The following PDZRN4 variants were observed in gnomAD, a reference collection of about 807,000 sequenced individuals.
PDZRN4 encodes the protein PDZ domain-containing RING finger protein 4.
A neutral mutation model predicts 99.0 loss-of-function variants in PDZRN4; 70 were observed. That is an observed-to-expected ratio of 0.71 (90% confidence interval 0.58 to 0.86). The LOEUF is 0.86. Ranked by LOEUF, PDZRN4 falls within the 40% of genes least tolerant of loss-of-function variation. PDZRN4 has a pLI of 0.00. For synonymous variants in PDZRN4, 551 were observed against 501.6 expected (o/e 1.10, Z -1.32); for missense variants, 1,474 against 1,331.2 (o/e 1.11, Z -1.67).
intron 7 of PDZRN4, among the ~76,000 whole-genome samples, chr12:41,557,145 T>A (rs1939181755): frequency 1.1e-5 from 1 of 88,292 alleles, no homozygotes. Context: ...AGTGAGACAC[T>A]CTCAAAAAAA....
intron 3 of PDZRN4, among the ~76,000 whole-genome samples, chr12:41,468,125 T>C (rs1437862320): frequency 6.6e-6 from 1 of 152,166 alleles, no homozygotes; most frequent in East Asian, 1.9e-4. Flanking sequence ...GTGAGGGATG[T>C]TGTAATAGGA....
At chr12:41,528,481 T>A (rs1938608178) in intron 5 of PDZRN4, among the ~76,000 whole-genome samples, 1 of 152,202 alleles carries the variant, frequency 6.6e-6, no homozygotes, top group Non-Finnish European at 1.5e-5. Context: ...GCCAAATTCT[T>A]AATAGAGCAA....
At position 41,453,000 on chromosome 12, in the gene PDZRN4, G is replaced by A. The variant is rs1266248879; in HGVS notation, c.844-53456G>A. On this transcript the variant is annotated intron_variant, in intron 3 of 9. Transcript: ENST00000402685. ...GCAGAGGAAAATGTAGAACTATGAT[G>A]CAATCTTAACAGAGACCCCTGCTGA... 2.6e-5 allele frequency among the ~76,000 whole-genome samples: 4 copies of A among 152,116 alleles called. No homozygotes were observed. The East Asian group carries it at 7.7e-4, about 29-fold the overall frequency.
intron 3 of PDZRN4, among the ~76,000 whole-genome samples, chr12:41,423,262 A>G (rs746313357): frequency 6.6e-6 from 1 of 152,048 alleles, no homozygotes. Context: ...TGTCATCTAC[A>G]TTAGGTATTT....
intron 3 of PDZRN4, among the ~76,000 whole-genome samples, chr12:41,466,137 G>C (rs1281694363): frequency 6.6e-6 from 1 of 152,138 alleles, no homozygotes; most frequent in Non-Finnish European, 1.5e-5. Context: ...AACTCATGAG[G>C]CTGCCTTGAT....
chr12:41,502,451 A>T (rs375648236), intron 3 of PDZRN4, among the ~76,000 whole-genome samples: 2 of 152,142 alleles, frequency 1.3e-5, no homozygotes. Flanking sequence ...ATCCTTCTGC[A>T]TGCAAACTCA....
chr12:41,261,771 G>A (rs1362347451), intron 3 of PDZRN4, among the ~76,000 whole-genome samples: 2 of 152,196 alleles, frequency 1.3e-5, no homozygotes, highest in Non-Finnish European at 2.9e-5. Context: ...TTACAGGCGT[G>A]AGCCACCGTG....
At chr12:41,471,655 T>C (rs1952991663) in intron 3 of PDZRN4, among the ~76,000 whole-genome samples, 1 of 151,002 alleles carries the variant, frequency 6.6e-6, no homozygotes, top group South Asian at 2.1e-4. Context: ...GAGATAGTTG[T>C]ATGAATAAAT....
rs552075763 is a variant in PDZRN4 at position 41,221,970 on chromosome 12, G to A, written c.843+27782G>A. On this transcript the variant is annotated intron_variant, in intron 3 of 9. Coordinates refer to ENST00000402685, the MANE Select transcript of PDZRN4 (RefSeq NM_001164595.2). ...TTTAGGGTTTGGAGCCAAGGCCATG[G>A]ACAACAAAGAACAAAGTTTGTCTTC... Among the ~76,000 whole-genome samples the A allele has an allele frequency of 9.2e-5, 14 of 152,290 alleles. No homozygotes were observed. The East Asian group carries it at 2.3e-3, about 25-fold the overall frequency.
At chr12:41,221,573 G>C (rs1950956268) in intron 3 of PDZRN4, among the ~76,000 whole-genome samples, 1 of 151,948 alleles carries the variant, frequency 6.6e-6, no homozygotes, top group Admixed American at 6.6e-5. Flanking sequence ...AATGAACTCA[G>C]GAAAGAACTG....
Position 41,573,942 on chromosome 12 carries a change from G to A in PDZRN4, c.*52G>A, listed in dbSNP as rs753659115. 5.4e-6 allele frequency: 7 copies of A among 1,303,654 alleles called. No homozygotes were observed. The East Asian group carries it at 7.0e-5, about 13-fold the overall frequency. The allele number at this position is 1,303,654 out of a possible 1,614,324, so 80.8% of individuals were successfully genotyped here. A position where few individuals can be genotyped will look rare whatever the true frequency, so the allele number is the denominator to read the frequency against. The stretch of plus-strand genomic sequence containing the variant: ...ATTTTAGGAGGATGCTACCAGTTTC[G>A]GTAGAGTATGATTGCCTCGTTCAAT... On this transcript the variant is annotated 3_prime_UTR_variant, in exon 10 of 10. Transcript: ENST00000402685.
chr12:41,249,048 AG>A (rs1415563184), intron 3 of PDZRN4, among the ~76,000 whole-genome samples: 2 of 152,172 alleles, frequency 1.3e-5, no homozygotes. Flanking sequence ...CTGAAGTAAA[AG>A]CTTCTTGGTT....
intron 5 of PDZRN4, among the ~76,000 whole-genome samples, chr12:41,540,875 TGTTGTTGTTGTTGTTGTCCCTTTTCTTC>T (rs201575480): frequency 0.026 from 2,995 of 114,156 alleles, 73 homozygotes; most frequent in African/African-American, 0.064. Context: ...TTGTTGTTGT[TGTTGTTGTTGTTGTTGTCCCTTTTCTTC>T]GTTGTTGTTG....
chr12:41,425,288 A>G (rs989156781), intron 3 of PDZRN4, among the ~76,000 whole-genome samples: 1 of 151,716 alleles, frequency 6.6e-6, no homozygotes, highest in Admixed American at 6.6e-5. Flanking sequence ...AAGTGAGGAA[A>G]CAAGCTGGTA....
chr12:41,309,420 T>C (rs1221772722), intron 3 of PDZRN4, among the ~76,000 whole-genome samples: 1 of 152,068 alleles, frequency 6.6e-6, no homozygotes, highest in Non-Finnish European at 1.5e-5. Flanking sequence ...GGGGCTGAAC[T>C]TGTCCTTTTA....
chr12:41,540,863 CGTTGTTGTT>C (rs747322893), intron 5 of PDZRN4, among the ~76,000 whole-genome samples: 1 of 115,754 alleles, frequency 8.6e-6, no homozygotes, highest in Non-Finnish European at 1.9e-5. Context: ...CCCTTTTCTT[CGTTGTTGTT>C]GTTGTTGTTG....
intron 3 of PDZRN4, chr12:41,477,875 AT>A: frequency 6.5e-7 from 1 of 1,548,782 alleles, no homozygotes; most frequent in Non-Finnish European, 8.7e-7. Context: ...GTAAGAGACA[AT>A]TTTTCCTTAA....
intron 3 of PDZRN4, among the ~76,000 whole-genome samples, chr12:41,431,708 T>C (rs188293674): frequency 6.6e-6 from 1 of 152,338 alleles, no homozygotes; most frequent in East Asian, 1.9e-4. Context: ...TCTTAGGAGT[T>C]CATAAGTTGG....
intron 5 of PDZRN4, among the ~76,000 whole-genome samples, chr12:41,520,957 A>C (rs965366781): frequency 6.6e-6 from 1 of 152,152 alleles, no homozygotes; most frequent in Non-Finnish European, 1.5e-5. Context: ...TTAAATGTCC[A>C]TATTTCATTA....
Sources: allele counts gnomAD v4.1 joint callset (sites outside exome capture counted in the v4.1 genomes callset), GRCh38; gene constraint gnomAD v4.1.1; transcripts MANE v1.5; gene names NCBI Gene and HGNC (gene_info 2026-07-23, HGNC 2026-07-21).